RABGAP1L: variants seen among roughly 807,000 people sequenced by gnomAD.
RABGAP1L encodes RAB GTPase activating protein 1 like.
Under a neutral mutation model 137.7 loss-of-function variants are expected in RABGAP1L, and 63 were observed. The observed-to-expected ratio is 0.46, with a 90% CI of 0.37 to 0.56. RABGAP1L has a LOEUF of 0.56. RABGAP1L is among the 20% of genes least tolerant of loss of function. The pLI is 0.00. For synonymous variants in RABGAP1L, 431 were observed against 433.7 expected (o/e 0.99, Z 0.08); for missense variants, 1,095 against 1,244.0 (o/e 0.88, Z 1.80).
chr1:174,551,608 C>G (rs1312873003), intron 13 of RABGAP1L, among the ~76,000 whole-genome samples: 1 of 151,878 alleles, frequency 6.6e-6, no homozygotes, highest in East Asian at 1.9e-4. Context: ...CAAGGAACTA[C>G]TAAGTTTCTA....
chr1:174,429,042 T>C (rs888047385), intron 13 of RABGAP1L, among the ~76,000 whole-genome samples: 1 of 152,214 alleles, frequency 6.6e-6, no homozygotes, highest in African/African-American at 2.4e-5. Flanking sequence ...TTAGGTTCTT[T>C]TTCTGGTGCT....
intron 19 of RABGAP1L, among the ~76,000 whole-genome samples, chr1:174,925,369 A>AAAAAAAAAC (rs1662583545): frequency 6.7e-6 from 1 of 149,198 alleles, no homozygotes; most frequent in African/African-American, 2.5e-5. Flanking sequence ...AAAAAAAAAA[A>AAAAAAAAAC]AAAAAAAAAA....
At chr1:174,897,970 C>T (rs1263974902) in intron 19 of RABGAP1L, 2 of 122,812 alleles carry the variant, frequency 1.6e-5, no homozygotes, top group East Asian at 4.1e-4. Flanking sequence ...CAGAGTGAGA[C>T]TCCATCTCAA....
At chr1:174,830,810 C>T (rs953712835) in intron 19 of RABGAP1L, among the ~76,000 whole-genome samples, 1 of 147,924 alleles carries the variant, frequency 6.8e-6, no homozygotes, top group Admixed American at 6.7e-5. Context: ...AAAAATACTT[C>T]ACAAAACCAA....
intron 19 of RABGAP1L, among the ~76,000 whole-genome samples, chr1:174,831,265 A>T (rs1350133105): frequency 2.7e-5 from 4 of 148,240 alleles, no homozygotes; most frequent in Non-Finnish European, 6.0e-5. Flanking sequence ...TTAAAGACTA[A>T]GAGAGTACTC....
intron 13 of RABGAP1L, among the ~76,000 whole-genome samples, chr1:174,427,237 C>A (rs1015649239): frequency 1.3e-5 from 2 of 151,116 alleles, no homozygotes; most frequent in African/African-American, 4.9e-5. Context: ...TTGCATTGTG[C>A]TGCTTAGTGG....
intron 20 of RABGAP1L, chr1:174,964,625 T>A: frequency 3.9e-6 from 1 of 253,860 alleles, no homozygotes; most frequent in Non-Finnish European, 7.0e-6. Flanking sequence ...AACAACACAG[T>A]ATCAACACCT....
chr1:174,988,928 A>C (rs1303189622), intron 25 of RABGAP1L, 90 bp downstream of exon 25: 5 of 1,179,124 alleles, frequency 4.2e-6, no homozygotes, highest in Non-Finnish European at 4.5e-6. Context: ...TATCTAGGTC[A>C]GAATTGTATG....
At chr1:174,975,391 G>C (rs777859009) in intron 21 of RABGAP1L, among the ~76,000 whole-genome samples, 39 of 152,194 alleles carry the variant, frequency 2.6e-4, no homozygotes, top group Non-Finnish European at 4.7e-4. Flanking sequence ...AGAGCCTGAC[G>C]TGTTAAATAG....
chr1:174,176,741 A>AAAAATAAAATAAAAT lies in RABGAP1L; in HGVS notation c.-34+17088_-34+17089insTAAAATAAAATAAAA, dbSNP rs1553248319. On this transcript the variant is annotated intron_variant, in intron 1 of 25. Coordinates refer to ENST00000681986, the MANE Select transcript of RABGAP1L (RefSeq NM_001366446.1). ...AAAAAAAAAAAAAAAAAAAAAAAAAAAAAAAGGTCAACATTTGTTAATACT... is the reference window on the plus strand; with the variant it reads ...AAAAAAAAAAAAAAAAAAAAAAAAAAAAAATAAAATAAAATAAAAAGGTCAACATTTGTTAATACT... Among the ~76,000 whole-genome samples, 55 of 111,802 alleles carry AAAAATAAAATAAAAT rather than the reference A, an allele frequency of 4.9e-4. 2 individuals are homozygous for AAAAATAAAATAAAAT. Among genetic ancestry groups the AAAAATAAAATAAAAT allele is most frequent in the African/African-American group, 1.6e-3 (45 of 28,034 alleles). 73.3% of individuals were successfully genotyped at this position (111,802 alleles called of 152,430 possible). A position where few individuals can be genotyped will look rare whatever the true frequency, so the allele number is the denominator to read the frequency against.
chr1:174,865,205 G>A (rs1650994292), intron 19 of RABGAP1L, among the ~76,000 whole-genome samples: 1 of 152,224 alleles, frequency 6.6e-6, no homozygotes, highest in African/African-American at 2.4e-5. Flanking sequence ...AGTTGGGCAT[G>A]ATGGCACATG....
At chr1:174,811,643 T>C (rs565736287) in intron 18 of RABGAP1L, among the ~76,000 whole-genome samples, 189 bp from the exon 19 acceptor site, 3 of 152,230 alleles carry the variant, frequency 2.0e-5, no homozygotes, top group Non-Finnish European at 4.4e-5. Flanking sequence ...TGATTTATGG[T>C]GATTTATTTC....
intron 1 of RABGAP1L, among the ~76,000 whole-genome samples, chr1:174,199,167 A>G (rs189942428): frequency 1.3e-3 from 199 of 152,280 alleles, no homozygotes; most frequent in Non-Finnish European, 2.4e-3. Context: ...CCTTCAATAT[A>G]AACACTTAAA....
intron 20 of RABGAP1L, among the ~76,000 whole-genome samples, chr1:174,968,650 T>A (rs1669863956): frequency 6.6e-6 from 1 of 152,060 alleles, no homozygotes; most frequent in African/African-American, 2.4e-5. Flanking sequence ...TGAAATTTTT[T>A]AAAAAACAAA....
chr1:174,933,346 T>C (rs1422893235), intron 19 of RABGAP1L, among the ~76,000 whole-genome samples: 1 of 152,054 alleles, frequency 6.6e-6, no homozygotes, highest in African/African-American at 2.4e-5. Flanking sequence ...TGGATGCCTT[T>C]CTGACATTCT....
At chr1:174,473,280 G>A (rs962613430) in intron 13 of RABGAP1L, among the ~76,000 whole-genome samples, 1 of 152,190 alleles carries the variant, frequency 6.6e-6, no homozygotes, top group South Asian at 2.1e-4. Flanking sequence ...TGATGACATA[G>A]GATCTCTGTA....
chr1:174,275,316 CAA>C (rs1439463535), intron 8 of RABGAP1L: 1 of 151,980 alleles, frequency 6.6e-6, no homozygotes, highest in African/African-American at 2.4e-5. Flanking sequence ...AGAAAATAGA[CAA>C]GTGTTAATTT....
At chr1:174,655,715 A>C (rs145109558) in intron 14 of RABGAP1L, among the ~76,000 whole-genome samples, 1 of 152,234 alleles carries the variant, frequency 6.6e-6, no homozygotes, top group Non-Finnish European at 1.5e-5. Flanking sequence ...TTATATCAAT[A>C]TGGACTCATG....
At chr1:174,494,688 T>G (rs182819140) in intron 13 of RABGAP1L, among the ~76,000 whole-genome samples, 50 of 152,346 alleles carry the variant, frequency 3.3e-4, no homozygotes, top group African/African-American at 1.1e-3. Context: ...AATGTCATTT[T>G]AAACCACTTT....
Sources: allele counts gnomAD v4.1 joint callset (sites outside exome capture counted in the v4.1 genomes callset), GRCh38; gene constraint gnomAD v4.1.1; transcripts MANE v1.5; gene names NCBI Gene and HGNC (gene_info 2026-07-23, HGNC 2026-07-21).